The following MAPK10 variants were observed in gnomAD, a reference collection of about 807,000 sequenced individuals.
MAPK10 encodes mitogen-activated protein kinase 10.
In MAPK10, 25 loss-of-function variants were observed where a neutral mutation model predicts 59.3. The ratio of observed to expected loss-of-function variants is 0.42; its 90% CI spans 0.31 to 0.59. The LOEUF is 0.59. Ranked by LOEUF, MAPK10 falls within the 20% of genes least tolerant of loss-of-function variation. The pLI is 0.15. For missense variants in MAPK10, 351 were observed against 568.9 expected, an observed-to-expected ratio of 0.62 and a Z score of 3.90; for synonymous variants, 190 against 200.5, an observed-to-expected ratio of 0.95 and a Z score of 0.44.
intron 2 of MAPK10, among the ~76,000 whole-genome samples, chr4:86,353,510 T>C (rs921395244): frequency 3.3e-5 from 5 of 152,160 alleles, no homozygotes; most frequent in African/African-American, 4.8e-5. Flanking sequence ...TGCATAAAAT[T>C]ATTTATAACG....
chr4:86,031,536 A>C, intron 11 of MAPK10, 105 bp from the exon 12 acceptor site: 1 of 773,112 alleles, frequency 1.3e-6, no homozygotes, highest in South Asian at 1.5e-5. Flanking sequence ...GGTGATTTCA[A>C]CCGTATATAA....
intron 2 of MAPK10, among the ~76,000 whole-genome samples, chr4:86,331,315 C>T (rs537384150): frequency 6.6e-6 from 1 of 152,202 alleles, no homozygotes. Flanking sequence ...ACAGCTGAAG[C>T]AGGAAAGGAA....
At chr4:86,101,386 T>C in intron 7 of MAPK10, 169 bp from the exon 8 acceptor site, 1 of 532,452 alleles carries the variant, frequency 1.9e-6, no homozygotes, top group Admixed American at 3.1e-5. Context: ...AACTATTAGT[T>C]TTTGGAAAGT....
chr4:86,548,669 G>A (rs1189603875), intron 1 of MAPK10, among the ~76,000 whole-genome samples: 2 of 152,096 alleles, frequency 1.3e-5, no homozygotes, highest in African/African-American at 2.4e-5. Flanking sequence ...GGAACCATGA[G>A]CCAATTAAAC....
chr4:86,216,271 T>C (rs1324228904), intron 2 of MAPK10, among the ~76,000 whole-genome samples: 1 of 140,740 alleles, frequency 7.1e-6, no homozygotes, highest in Non-Finnish European at 1.5e-5. Flanking sequence ...TATATATATA[T>C]AGCACACACA....
intron 2 of MAPK10, among the ~76,000 whole-genome samples, chr4:86,306,456 G>A (rs896929931): frequency 2.6e-5 from 4 of 152,094 alleles, no homozygotes; most frequent in Non-Finnish European, 4.4e-5. Context: ...GACTTCCAGG[G>A]GACCCCAAAT....
In MAPK10 at chr4:86,411,836, G is replaced by T. The variant is rs531667396; in HGVS notation, c.-122+41194C>A. ...TCTCTTAAACACAGCACACTGATGG[G>T]TCTTGACTCTTTATCCAGTTTGCCA... On this transcript the variant is annotated intron_variant, in intron 1 of 13. Coordinates refer to the MAPK10 transcript ENST00000361569. Among the ~76,000 whole-genome samples, 72 of 152,186 alleles carry T rather than the reference G, an allele frequency of 4.7e-4. 1 individual carries two copies. Among genetic ancestry groups the T allele is most frequent in the African/African-American group, 1.5e-3 (63 of 41,518 alleles).
intron 2 of MAPK10, among the ~76,000 whole-genome samples, chr4:86,249,211 C>A (rs1373844899): frequency 1.3e-5 from 2 of 152,058 alleles, no homozygotes; most frequent in African/African-American, 2.4e-5. Flanking sequence ...ATAATGAAAC[C>A]TAACAGTGGC....
intron 9 of MAPK10, chr4:86,089,233 C>T (rs774281732): frequency 6.2e-7 from 1 of 1,612,926 alleles, no homozygotes; most frequent in Admixed American, 1.7e-5. Context: ...AGCACTGCAC[C>T]TTTTATCATT....
intron 2 of MAPK10, among the ~76,000 whole-genome samples, chr4:86,221,568 G>A (rs1488595842): frequency 6.6e-6 from 1 of 151,972 alleles, no homozygotes; most frequent in African/African-American, 2.4e-5. Context: ...GTCACTGCAG[G>A]CTCGACCTCC....
intron 1 of MAPK10, among the ~76,000 whole-genome samples, chr4:86,550,960 C>T (rs751991663): frequency 3.9e-5 from 6 of 152,190 alleles, no homozygotes; most frequent in Non-Finnish European, 5.9e-5. Flanking sequence ...AAGTGACGTA[C>T]ATCACTTGGG....
intron 10 of MAPK10, 134 bp downstream of exon 10, chr4:86,067,639 C>CA: frequency 1.3e-6 from 1 of 757,578 alleles, no homozygotes; most frequent in Non-Finnish European, 2.0e-6. Context: ...CTATATCCCA[C>CA]AAAAATGTAC....
intron 2 of MAPK10, among the ~76,000 whole-genome samples, chr4:86,254,890 C>T (rs893871931): frequency 1.3e-5 from 2 of 151,904 alleles, no homozygotes; most frequent in Admixed American, 6.6e-5. Context: ...TAAGTATTCT[C>T]GGAAATACCA....
intron 2 of MAPK10, among the ~76,000 whole-genome samples, chr4:86,255,960 T>TA (rs2093690091): frequency 1.3e-5 from 2 of 152,076 alleles, no homozygotes; most frequent in Admixed American, 6.5e-5. Context: ...ATTATTCAAT[T>TA]AAAAAATGGA....
chr4:86,351,396 A>ACACACAC (rs1731334590), intron 2 of MAPK10, among the ~76,000 whole-genome samples: 1 of 132,456 alleles, frequency 7.5e-6, no homozygotes, highest in Non-Finnish European at 1.6e-5. Flanking sequence ...TGTATACACA[A>ACACACAC]ACACACACAC....
intron 12 of MAPK10, 104 bp from the exon 13 acceptor site, chr4:86,029,378 A>G: frequency 1.5e-6 from 1 of 689,438 alleles, no homozygotes; most frequent in African/African-American, 1.8e-5. Context: ...GGGTTGAGTA[A>G]ATTAAAAATC....
chr4:86,228,364 C>T (rs1460309471), intron 2 of MAPK10, among the ~76,000 whole-genome samples: 1 of 152,132 alleles, frequency 6.6e-6, no homozygotes, highest in Admixed American at 6.5e-5. Context: ...GCCCGAGATG[C>T]CAGAGAATCA....
chr4:86,529,757 G>A (rs534760752), intron 1 of MAPK10, among the ~76,000 whole-genome samples: 3 of 152,246 alleles, frequency 2.0e-5, no homozygotes, highest in African/African-American at 7.2e-5. Context: ...CCCTGCAGAA[G>A]GATGGCTGAT....
At chr4:86,503,683 A>C (rs1023474564) in intron 1 of MAPK10, among the ~76,000 whole-genome samples, 16 of 152,130 alleles carry the variant, frequency 1.1e-4, no homozygotes, top group African/African-American at 1.9e-4. Context: ...ACAAACAGCC[A>C]TGGTAATTAT....
Sources: gnomAD v4.1 joint callset for allele counts (sites outside exome capture counted in the v4.1 genomes callset) on GRCh38, gnomAD v4.1.1 for gene constraint, MANE v1.5 for transcripts, NCBI Gene and HGNC (gene_info 2026-07-23, HGNC 2026-07-21) for gene names.